The following DMD variants were observed in gnomAD, a reference collection of about 807,000 sequenced individuals.
DMD encodes mutant dystrophin.
DMD carries 63 observed loss-of-function variants against 330.1 expected under a neutral mutation model. The observed-to-expected ratio is 0.19, with a 90% CI of 0.16 to 0.24. The LOEUF (loss-of-function observed/expected upper bound fraction) is 0.24, where lower values mean the gene tolerates loss of function less well. Among genes scored for constraint, DMD ranks in the 10% least tolerant of loss-of-function variants. The pLI, the probability that DMD is intolerant of heterozygous loss-of-function variation, is 1.00. For missense variants in DMD, 3,344 were observed against 2,684.1 expected, an observed-to-expected ratio of 1.25 and a Z score of -5.43; for synonymous variants, 1,223 against 959.8, an observed-to-expected ratio of 1.27 and a Z score of -5.07.
At chrX:33,230,905 A>C (rs2052376551) in intron 1 of DMD, among the ~76,000 whole-genome samples, 1 of 110,554 alleles carries the variant, frequency 9.0e-6, no homozygotes, top group Non-Finnish European at 1.9e-5. Context: ...TCCTTAGTTA[A>C]GTACCATGAG....
intron 7 of DMD, among the ~76,000 whole-genome samples, chrX:32,793,524 C>G (rs1339090326): frequency 1.9e-5 from 2 of 107,226 alleles, no homozygotes; most frequent in African/African-American, 7.1e-5. Context: ...GAAAATAAAG[C>G]ACTTGCTAGA....
chrX:31,420,339 T>G (rs1015761603), intron 60 of DMD, among the ~76,000 whole-genome samples: 2 of 112,317 alleles, frequency 1.8e-5, no homozygotes, highest in Non-Finnish European at 3.8e-5. Flanking sequence ...AAATTGCATG[T>G]ATATGTCCAG....
chrX:32,395,681 G>C (rs2098039091), intron 30 of DMD, among the ~76,000 whole-genome samples: 2 of 111,703 alleles, frequency 1.8e-5, no homozygotes, highest in South Asian at 7.4e-4. Flanking sequence ...GATTTAACTA[G>C]CATATGGCTG....
At chrX:31,835,959 A>G (rs752669703) in intron 49 of DMD, among the ~76,000 whole-genome samples, 1 of 112,004 alleles carries the variant, frequency 8.9e-6, no homozygotes, top group Admixed American at 9.5e-5. Context: ...AATGGGAGCC[A>G]TTATAATTCT....
At chrX:32,996,229 A>G (rs143414998) in intron 2 of DMD, among the ~76,000 whole-genome samples, 1,216 of 111,641 alleles carry the variant, frequency 0.011, 16 homozygotes, top group African/African-American at 0.038. Flanking sequence ...GCCACAAAAT[A>G]CAAATTTTAA....
rs1045149811 is a variant in DMD at position 32,964,555 on chromosome X, A to AG, written c.93+55583_93+55584insC. 9.9e-3 allele frequency among the ~76,000 whole-genome samples: 1,090 copies of AG among 109,735 alleles called. 11 individuals carry two copies. The highest frequency in any genetic ancestry group is 0.034 in the African/African-American group (1,034 of 30,001). On this transcript the variant is annotated intron_variant, in intron 2 of 78. Coordinates refer to ENST00000357033, the MANE Select transcript of DMD (RefSeq NM_004006.3). ...GAATCCCATCTCTACTAAAAATACA[A>AG]AAATTAGCCGGGCGTGGTGGCGTGC... is the stretch of plus-strand genomic sequence containing the variant.
chrX:31,819,937 T>G, intron 50 of DMD, 38 bp downstream of exon 50: 1 of 1,115,003 alleles, frequency 9.0e-7, no homozygotes, highest in Non-Finnish European at 1.2e-6. Context: ...TTTGAACAAA[T>G]AGCTAGAGCC....
At chrX:32,311,184 C>T (rs760616449) in intron 41 of DMD, among the ~76,000 whole-genome samples, 1 of 111,454 alleles carries the variant, frequency 9.0e-6, no homozygotes, top group South Asian at 3.7e-4. Flanking sequence ...CTCCCAATAA[C>T]TTTGTCTAGA....
At chrX:32,197,250 G>A (rs1004232307) in intron 44 of DMD, among the ~76,000 whole-genome samples, 1 of 110,468 alleles carries the variant, frequency 9.1e-6, no homozygotes, top group African/African-American at 3.3e-5. Context: ...GCAGGCAATG[G>A]GTAATAATCA....
intron 43 of DMD, among the ~76,000 whole-genome samples, chrX:32,275,966 G>A (rs2097384981): frequency 9.0e-6 from 1 of 111,723 alleles, no homozygotes; most frequent in South Asian, 3.7e-4. Flanking sequence ...AGGCATTGAG[G>A]AAAGGCAGGA....
intron 63 of DMD, among the ~76,000 whole-genome samples, chrX:31,242,598 A>G (rs976980915): frequency 4.5e-4 from 50 of 110,500 alleles, no homozygotes; most frequent in African/African-American, 1.6e-3. Context: ...TCCCAATTTT[A>G]TTTCCCCCAA....
intron 7 of DMD, among the ~76,000 whole-genome samples, chrX:32,732,307 G>T (rs1389262486): frequency 1.8e-5 from 2 of 111,174 alleles, no homozygotes; most frequent in South Asian, 7.7e-4. Flanking sequence ...GAAAGTGATG[G>T]GGAGAATGGA....
intron 1 of DMD, among the ~76,000 whole-genome samples, chrX:33,318,962 G>A (rs967886096): frequency 3.6e-5 from 4 of 111,270 alleles, no homozygotes; most frequent in African/African-American, 1.3e-4. Context: ...CAAGAGGTTG[G>A]TATTAGGGGG....
intron 2 of DMD, among the ~76,000 whole-genome samples, chrX:32,978,430 T>G (rs1486609812): frequency 8.9e-6 from 1 of 112,398 alleles, no homozygotes; most frequent in East Asian, 2.8e-4. Flanking sequence ...GCTCCCTCCC[T>G]AAAATAGCAA....
intron 50 of DMD, among the ~76,000 whole-genome samples, chrX:31,785,779 C>T (rs773401243): frequency 4.5e-5 from 5 of 111,622 alleles, no homozygotes; most frequent in Admixed American, 1.9e-4. Context: ...AGGACACGAA[C>T]GCATCCTTTT....
At chrX:31,679,651 T>C (rs2082269729) in intron 52 of DMD, 65 bp from the exon 53 acceptor site, 1 of 946,712 alleles carries the variant, frequency 1.1e-6, no homozygotes, top group Non-Finnish European at 1.5e-6. Context: ...ATTTTAAATG[T>C]AACTTCCAAA....
At chrX:32,058,884 A>G (rs1423724899) in intron 44 of DMD, among the ~76,000 whole-genome samples, 1 of 111,664 alleles carries the variant, frequency 9.0e-6, no homozygotes, top group East Asian at 2.8e-4. Context: ...AAGCTATGTT[A>G]TATACATACA....
chrX:31,675,904 A>T (rs1569214577), intron 53 of DMD, among the ~76,000 whole-genome samples: 1 of 112,693 alleles, frequency 8.9e-6, no homozygotes, highest in Non-Finnish European at 1.9e-5. Flanking sequence ...GTCAATAAAG[A>T]TTAGCAATTA....
At position 31,449,288 on chromosome X, in the gene DMD, C is replaced by T. The variant is rs780885239; in HGVS notation, c.8938-4661G>A. On this transcript the variant is annotated intron_variant, in intron 59 of 78. Coordinates refer to ENST00000357033, the MANE Select transcript of DMD (RefSeq NM_004006.3). ...GGTAAGTGGGAACATTTGAATTAAT[C>T]GTAATAGAGACTGTGAGAGGGAGTT... 2.7e-5 allele frequency among the ~76,000 whole-genome samples: 3 copies of T among 111,197 alleles called. No homozygotes were observed. The East Asian group carries it at 8.5e-4, about 32-fold the overall frequency.
Sources: gnomAD v4.1 joint callset for allele counts (sites outside exome capture counted in the v4.1 genomes callset) on GRCh38, gnomAD v4.1.1 for gene constraint, MANE v1.5 for transcripts, NCBI Gene and HGNC (gene_info 2026-07-23, HGNC 2026-07-21) for gene names.